Variants in PDE4D observed in about 807,000 individuals in gnomAD.
PDE4D encodes phosphodiesterase 4D, also known as 3',5'-cyclic-AMP phosphodiesterase 4D.
PDE4D carries 24 observed loss-of-function variants against 87.4 expected under a neutral mutation model. That is an observed-to-expected ratio of 0.27 (90% CI 0.20 to 0.39). The LOEUF (loss-of-function observed/expected upper bound fraction) is 0.39, where lower values mean the gene tolerates loss of function less well. Ranked by LOEUF, PDE4D falls within the 10% of genes least tolerant of loss-of-function variation. PDE4D has a pLI of 1.00. For synonymous variants in PDE4D, 384 were observed against 383.2 expected (o/e 1.00, Z -0.02); for missense variants, 714 against 1,041.0 (o/e 0.69, Z 4.32).
chr5:59,300,554 T>C (rs1770012591), intron 1 of PDE4D, among the ~76,000 whole-genome samples: 1 of 152,142 alleles, frequency 6.6e-6, no homozygotes, highest in Non-Finnish European at 1.5e-5. Context: ...TTGAATGTCT[T>C]AAATAAAAAG....
At chr5:60,092,463 G>A (rs1329402828) in intron 2 of PDE4D, among the ~76,000 whole-genome samples, 1 of 152,088 alleles carries the variant, frequency 6.6e-6, no homozygotes, top group African/African-American at 2.4e-5. Flanking sequence ...ACAAACAAAG[G>A]ATAAATGTTT....
chr5:59,555,710 A>C (rs1442583987), intron 1 of PDE4D, among the ~76,000 whole-genome samples: 2 of 152,060 alleles, frequency 1.3e-5, no homozygotes, highest in Admixed American at 6.6e-5. Context: ...TCTTTCATTC[A>C]ACCCTTTAGG....
intron 1 of PDE4D, among the ~76,000 whole-genome samples, chr5:59,805,475 G>A (rs1160700324): frequency 6.6e-6 from 1 of 152,152 alleles, no homozygotes; most frequent in East Asian, 1.9e-4. Flanking sequence ...AAAATTCATT[G>A]ACTTTTACAC....
chr5:59,091,488 A>T (rs570053989), intron 5 of PDE4D, among the ~76,000 whole-genome samples: 165 of 152,242 alleles, frequency 1.1e-3, no homozygotes, highest in Non-Finnish European at 2.0e-3. Context: ...TACATACAAC[A>T]TTGATGAATT....
At chr5:59,557,083 TA>T (rs1311701108) in intron 1 of PDE4D, among the ~76,000 whole-genome samples, 1 of 152,164 alleles carries the variant, frequency 6.6e-6, no homozygotes, top group Non-Finnish European at 1.5e-5. Flanking sequence ...ATGAAATAAA[TA>T]AACTTTTTGC....
chr5:59,504,086 G>A (rs1297432440), intron 1 of PDE4D, among the ~76,000 whole-genome samples: 1 of 152,064 alleles, frequency 6.6e-6, no homozygotes, highest in Non-Finnish European at 1.5e-5. Context: ...TGAACCAAAA[G>A]ATAACAGATA....
intron 1 of PDE4D, among the ~76,000 whole-genome samples, chr5:59,787,716 G>A (rs1037544259): frequency 6.6e-6 from 1 of 152,042 alleles, no homozygotes; most frequent in African/African-American, 2.4e-5. Context: ...ACCAATTAGC[G>A]ACCACAATTA....
At chr5:59,224,304 A>G (rs562443440) in intron 1 of PDE4D, among the ~76,000 whole-genome samples, 2 of 150,684 alleles carry the variant, frequency 1.3e-5, no homozygotes, top group Admixed American at 6.6e-5. Context: ...ACACACACAC[A>G]CACACACACA....
In PDE4D at chr5:59,646,988, T is replaced by A. The variant is rs1742567369; in HGVS notation, c.455+246180A>T. 2.0e-5 allele frequency among the ~76,000 whole-genome samples: 3 copies of A among 152,008 alleles called. No homozygotes were observed. The South Asian group carries it at 6.2e-4, about 32-fold the overall frequency. ...AGGTGGAGGTTGCAGTGAGCCGAGA[T>A]CACGCCACTGCACTCCAGCCTGGGT... On this transcript the variant is annotated intron_variant, in intron 1 of 14. Coordinates refer to ENST00000340635, the MANE Select transcript of PDE4D (RefSeq NM_001104631.2).
At chr5:59,054,302 T>G (rs1762019240) in intron 5 of PDE4D, among the ~76,000 whole-genome samples, 1 of 152,180 alleles carries the variant, frequency 6.6e-6, no homozygotes, top group African/African-American at 2.4e-5. Context: ...AAGCAGTGGC[T>G]TACAAAGTTT....
At chr5:60,389,527 G>C (rs74773662) in intron 1 of PDE4D, among the ~76,000 whole-genome samples, 4,203 of 152,188 alleles carry the variant, frequency 0.028, 93 homozygotes, top group Middle Eastern at 0.078. Context: ...TTAAAACTTA[G>C]TAGCTGAAAG....
At position 58,972,033 on chromosome 5, in the gene PDE4D, A is replaced by G. The variant is rs1004841311; in HGVS notation, c.*2631T>C. ...GAAGAAAAAAAAAGAGCCTCTCTTT[A>G]TTAGTGCAGTTATAAACCCTTTACC... On this transcript the variant is annotated 3_prime_UTR_variant, in exon 15 of 15. Coordinates refer to ENST00000340635, the MANE Select transcript of PDE4D (RefSeq NM_001104631.2). 2.0e-5 allele frequency: 3 copies of G among 152,486 alleles called. No homozygotes were observed. Among genetic ancestry groups the G allele is most frequent in the African/African-American group, 7.2e-5 (3 of 41,448 alleles). 9.4% of individuals were successfully genotyped at this position (152,486 alleles called of 1,614,324 possible).
chr5:59,060,274 G>C (rs772203715), intron 5 of PDE4D, among the ~76,000 whole-genome samples: 2 of 152,088 alleles, frequency 1.3e-5, no homozygotes, highest in African/African-American at 2.4e-5. Flanking sequence ...ACTGGATAGA[G>C]GTGCCATATT....
At chr5:59,867,894 G>A (rs796974504) in intron 1 of PDE4D, among the ~76,000 whole-genome samples, 12 of 152,274 alleles carry the variant, frequency 7.9e-5, no homozygotes, top group African/African-American at 2.9e-4. Context: ...GGAAATACAA[G>A]AGTAGCAGTT....
chr5:59,117,891 T>C (rs1391640266), intron 5 of PDE4D, among the ~76,000 whole-genome samples: 3 of 151,580 alleles, frequency 2.0e-5, no homozygotes, highest in African/African-American at 4.9e-5. Flanking sequence ...ACACAATAGA[T>C]TGTCAAATTC....
intron 3 of PDE4D, among the ~76,000 whole-genome samples, chr5:59,957,078 T>TA (rs1758913655): frequency 6.6e-6 from 1 of 152,216 alleles, no homozygotes; most frequent in Non-Finnish European, 1.5e-5. Flanking sequence ...CTTCTTTTGC[T>TA]AAAAATAACA....
chr5:59,762,499 G>T (rs1384793806), intron 1 of PDE4D, among the ~76,000 whole-genome samples: 1 of 117,710 alleles, frequency 8.5e-6, no homozygotes. Context: ...TGTGTATATG[G>T]GTACACATAT....
At chr5:59,567,691 A>T (rs985803694) in intron 1 of PDE4D, among the ~76,000 whole-genome samples, 4 of 152,186 alleles carry the variant, frequency 2.6e-5, no homozygotes, top group Non-Finnish European at 4.4e-5. Flanking sequence ...ATGTATTTCA[A>T]CTTCAGTAAG....
chr5:60,036,504 C>A (rs955265408), intron 2 of PDE4D, among the ~76,000 whole-genome samples: 1 of 152,184 alleles, frequency 6.6e-6, no homozygotes, highest in African/African-American at 2.4e-5. Flanking sequence ...GGCCATTAAC[C>A]TAATAATTTA....
Sources: gnomAD v4.1 joint callset for allele counts (sites outside exome capture counted in the v4.1 genomes callset) on GRCh38, gnomAD v4.1.1 for gene constraint, MANE v1.5 for transcripts, NCBI Gene and HGNC (gene_info 2026-07-23, HGNC 2026-07-21) for gene names.